Variants in MRPL48 observed in about 807,000 individuals in gnomAD.
MRPL48 encodes large ribosomal subunit protein mL48.
In MRPL48, 16 loss-of-function variants were observed where a neutral mutation model predicts 32.9. That is an observed-to-expected ratio of 0.49 (90% confidence interval 0.33 to 0.74). The LOEUF (loss-of-function observed/expected upper bound fraction) is 0.74. Among genes scored for constraint, MRPL48 ranks in the 30% least tolerant of loss-of-function variants. MRPL48 has a pLI of 0.02. For synonymous variants in MRPL48, 94 were observed against 89.2 expected (o/e 1.05, Z -0.31); for missense variants, 206 against 245.3 (o/e 0.84, Z 1.07).
At chr11:73,800,728 G>A (rs1947345463) in intron 1 of MRPL48, among the ~76,000 whole-genome samples, 1 of 151,968 alleles carries the variant, frequency 6.6e-6, no homozygotes, top group African/African-American at 2.4e-5. Context: ...GGGAGAGGAA[G>A]CACATTTCCC....
At chr11:73,826,964 C>T (rs568573741) in intron 4 of MRPL48, among the ~76,000 whole-genome samples, 32 of 150,246 alleles carry the variant, frequency 2.1e-4, no homozygotes, top group African/African-American at 6.1e-4. Flanking sequence ...TTAGTAGAGA[C>T]GGGATTTCTC....
At chr11:73,848,633 C>T (rs2135062357) in intron 5 of MRPL48, among the ~76,000 whole-genome samples, 1 of 151,936 alleles carries the variant, frequency 6.6e-6, no homozygotes, top group Middle Eastern at 3.4e-3. Flanking sequence ...ATCTGCTCTG[C>T]TTTTATGCAT....
In MRPL48 at chr11:73,859,922, C is replaced by G; in HGVS notation, c.387C>G (p.Thr129=). 6.2e-7 allele frequency: 1 copy of G among 1,613,696 alleles called. No homozygotes were observed. Reference sequence around the variant, plus strand: ...CTTCCCACAGTTATGCAATGCCAACCAAAACCATAGAAGTGTTGCAGTTGC... The same window carrying G: ...CTTCCCACAGTTATGCAATGCCAACGAAAACCATAGAAGTGTTGCAGTTGC... ...IKVEESYAMP[T]KTIEVLQLQD... The change falls in exon 6 of 8, where the codon ACC becomes ACG. Residue 129 remains threonine, a synonymous_variant. Transcript: ENST00000310614.
chr11:73,858,295 C>T (rs932003879), intron 5 of MRPL48, among the ~76,000 whole-genome samples: 1 of 152,210 alleles, frequency 6.6e-6, no homozygotes, highest in African/African-American at 2.4e-5. Flanking sequence ...ATTTACTGAC[C>T]TTATGCCAGG....
At chr11:73,809,347 A>G (rs1039213585) in intron 3 of MRPL48, among the ~76,000 whole-genome samples, 2 of 151,672 alleles carry the variant, frequency 1.3e-5, no homozygotes, top group Non-Finnish European at 2.9e-5. Context: ...TACTAAAAAT[A>G]CAAAAAATTA....
chr11:73,839,466 A>G lies in MRPL48; in HGVS notation c.202-5341A>G, dbSNP rs536003844. Among the ~76,000 whole-genome samples the G allele has an allele frequency of 1.7e-4, 26 of 152,342 alleles. No homozygotes were observed. In the South Asian group the frequency reaches 5.4e-3, roughly 32 times the overall value. On this transcript the variant is annotated intron_variant, in intron 4 of 7. Transcript: ENST00000310614. ...TATCTCATGGATAGACAAATAGCCC[A>G]ATGGAACAGAAGAGTAGAGAAACAA...
rs532013129 is a variant in MRPL48, at chr11:73,790,207, C to T, written c.21+2215C>T. Among the ~76,000 whole-genome samples, 985 of 148,598 alleles carry T rather than the reference C, an allele frequency of 6.6e-3. 12 individuals carry two copies. Among genetic ancestry groups the T allele is most frequent in the African/African-American group, 0.023 (944 of 40,326 alleles). On this transcript the variant is annotated intron_variant, in intron 1 of 7. Coordinates refer to ENST00000310614, the MANE Select transcript of MRPL48 (RefSeq NM_016055.6). ...GCCTCAGCCTCCTGAGTAGCTGGGA[C>T]TACAGGTGCCCACCACCATGCCCGG...
intron 4 of MRPL48, chr11:73,842,430 C>A (rs549835547): frequency 6.6e-6 from 1 of 152,224 alleles, no homozygotes; most frequent in East Asian, 1.9e-4. Context: ...TTTGTTTTAT[C>A]TTAAAGACCT....
intron 1 of MRPL48, among the ~76,000 whole-genome samples, chr11:73,798,037 A>G (rs887312916): frequency 6.6e-5 from 10 of 152,064 alleles, no homozygotes; most frequent in Non-Finnish European, 1.2e-4. Context: ...CAACATAAAT[A>G]TGTTTAGAAG....
At chr11:73,849,913 C>T (rs1043772914) in intron 5 of MRPL48, among the ~76,000 whole-genome samples, 1 of 152,096 alleles carries the variant, frequency 6.6e-6, no homozygotes, top group African/African-American at 2.4e-5. Flanking sequence ...GCCTGGGCAA[C>T]GTGGTGAAAT....
In MRPL48 at chr11:73,844,842, C is replaced by A; in HGVS notation, c.237C>A (p.Ala79=). ...AGAAGGGAAAAGTGGAAGTGAGAGC[C>A]ATTAATTTGGGGACAGATTATGAAT... ...KKKKGKVEVR[A]INLGTDYEYG... Residue 79 remains alanine, a synonymous_variant, in exon 5 of 8, where the codon GCC becomes GCA. Transcript: ENST00000310614. The A allele has an allele frequency of 6.2e-7, 1 of 1,613,486 alleles. No individual in the cohort carries two copies. The highest frequency in any genetic ancestry group is 8.5e-7 in the Non-Finnish European group (1 of 1,179,792).
At chr11:73,845,095 A>G in intron 5 of MRPL48, 119 bp downstream of exon 5, 2 of 999,158 alleles carry the variant, frequency 2.0e-6, no homozygotes, top group Non-Finnish European at 1.4e-6. Flanking sequence ...TTTTAGTTAT[A>G]TAATGTACTA....
At chr11:73,812,991 T>C (rs1947596252) in intron 3 of MRPL48, among the ~76,000 whole-genome samples, 1 of 151,364 alleles carries the variant, frequency 6.6e-6, no homozygotes. Flanking sequence ...CCTCAGGTGA[T>C]CCACCCACCT....
intron 1 of MRPL48, among the ~76,000 whole-genome samples, chr11:73,798,806 A>G (rs996672172): frequency 1.3e-5 from 2 of 152,062 alleles, no homozygotes; most frequent in South Asian, 2.1e-4. Flanking sequence ...CCTGGCCAAC[A>G]TAGTGAAATC....
intron 3 of MRPL48, among the ~76,000 whole-genome samples, chr11:73,810,246 G>A (rs1947540244): frequency 6.6e-6 from 1 of 152,182 alleles, no homozygotes; most frequent in African/African-American, 2.4e-5. Context: ...TTTCGGGCAG[G>A]TGCAGTGGCT....
At chr11:73,796,481 C>T (rs925066238) in intron 1 of MRPL48, among the ~76,000 whole-genome samples, 2 of 152,388 alleles carry the variant, frequency 1.3e-5, no homozygotes, top group South Asian at 4.1e-4. Context: ...TGGGCACCAA[C>T]AGGCATAGGA....
chr11:73,813,856 A>C (rs1236443050), intron 3 of MRPL48, among the ~76,000 whole-genome samples: 1 of 151,940 alleles, frequency 6.6e-6, no homozygotes, highest in African/African-American at 2.4e-5. Flanking sequence ...CCTGGCTAAC[A>C]TGGTGAAACC....
At chr11:73,797,983 C>T (rs1217461016) in intron 1 of MRPL48, among the ~76,000 whole-genome samples, 1 of 152,136 alleles carries the variant, frequency 6.6e-6, no homozygotes, top group African/African-American at 2.4e-5. Flanking sequence ...AACTTGTGCT[C>T]CTAACAGCCA....
chr11:73,832,825 A>T (rs1441626500), intron 4 of MRPL48: 1 of 152,184 alleles, frequency 6.6e-6, no homozygotes, highest in East Asian at 1.9e-4. Context: ...TATTTCTTGT[A>T]GCTCATTAAA....
Sources: allele counts gnomAD v4.1 joint callset (sites outside exome capture counted in the v4.1 genomes callset), GRCh38; gene constraint gnomAD v4.1.1; transcripts MANE v1.5; gene names NCBI Gene and HGNC (gene_info 2026-07-23, HGNC 2026-07-21).